ALG9: variants seen among roughly 807,000 people sequenced by gnomAD.
ALG9 encodes ALG9 alpha-1,2-mannosyltransferase, also known as alpha-1,2-mannosyltransferase ALG9.
In ALG9, 55 loss-of-function variants were observed where a neutral mutation model predicts 81.8. That is an observed-to-expected ratio of 0.67 (90% confidence interval 0.54 to 0.84). ALG9 has a LOEUF of 0.84. Among genes scored for constraint, ALG9 ranks in the 40% least tolerant of loss-of-function variants. The pLI, the probability that ALG9 is intolerant of heterozygous loss-of-function variation, is 0.00. For synonymous variants in ALG9, 278 were observed against 274.3 expected, an observed-to-expected ratio of 1.01 and a Z score of -0.13; for missense variants, 629 against 745.0, an observed-to-expected ratio of 0.84 and a Z score of 1.81.
intron 4 of ALG9, among the ~76,000 whole-genome samples, chr11:111,863,723 T>C (rs1961209262): frequency 6.6e-6 from 1 of 152,174 alleles, no homozygotes; most frequent in South Asian, 2.1e-4. Context: ...TAATATTCAA[T>C]CAACTAATAG....
intron 12 of ALG9, chr11:111,836,636 T>C (rs1955321919): frequency 3.0e-6 from 1 of 337,846 alleles, no homozygotes; most frequent in African/African-American, 2.1e-5. Flanking sequence ...TTATCAGGTG[T>C]AGAGAAAAAG....
intron 14 of ALG9, among the ~76,000 whole-genome samples, chr11:111,802,209 A>T (rs1338384795): frequency 6.6e-6 from 1 of 152,214 alleles, no homozygotes; most frequent in East Asian, 1.9e-4. Context: ...GGCTGTGTTG[A>T]ACTTTCTTAA....
chr11:111,787,771 A>G (rs935500211), intron 14 of ALG9, among the ~76,000 whole-genome samples: 8 of 152,206 alleles, frequency 5.3e-5, no homozygotes, highest in African/African-American at 1.7e-4. Context: ...AATAAATTAA[A>G]AAAATAAAAA....
At chr11:111,842,286 C>T (rs567847505) in intron 9 of ALG9, among the ~76,000 whole-genome samples, 38 of 152,166 alleles carry the variant, frequency 2.5e-4, no homozygotes, top group South Asian at 2.1e-4. Context: ...TAAAGGCTAA[C>T]GAGTAATCTT....
intron 4 of ALG9, among the ~76,000 whole-genome samples, chr11:111,861,951 A>G (rs563824026): frequency 1.3e-5 from 2 of 152,258 alleles, no homozygotes; most frequent in East Asian, 3.9e-4. Flanking sequence ...GTAATTGCCT[A>G]ACACTCCTTT....
chr11:111,861,075 G>C (rs1279633921), intron 4 of ALG9, among the ~76,000 whole-genome samples: 1 of 152,210 alleles, frequency 6.6e-6, no homozygotes, highest in Non-Finnish European at 1.5e-5. Context: ...GCAAGGAAAA[G>C]TGCTTAGGAG....
the ALG9 span, among the ~76,000 whole-genome samples, chr11:111,768,099 C>T: frequency 6.6e-6 from 1 of 152,154 alleles, no homozygotes; most frequent in African/African-American, 2.4e-5. Flanking sequence ...GACAATGATA[C>T]TTTCATGCAC....
Position 111,784,504 on chromosome 11 carries a change from G to A in ALG9, c.*1893C>T, listed in dbSNP as rs1946264994. The stretch of plus-strand genomic sequence containing the variant: ...AGGCTGAGGCGGGTGGATGACCTGA[G>A]GTCAGGAGTCCAAGACCAGCCTGGC... On this transcript the variant is annotated 3_prime_UTR_variant, in exon 15 of 15. Coordinates refer to ENST00000616540, the MANE Select transcript of ALG9 (RefSeq NM_024740.2). 6.6e-6 allele frequency: 1 copy of A among 152,214 alleles called. No homozygotes were observed. The highest frequency in any genetic ancestry group is 2.4e-5 in the African/African-American group (1 of 41,438). The allele number at this position is 152,214 out of a possible 1,614,324, so 9.4% of individuals were successfully genotyped here.
intron 13 of ALG9, among the ~76,000 whole-genome samples, chr11:111,822,074 C>T (rs1382716517): frequency 1.3e-5 from 2 of 152,120 alleles, no homozygotes; most frequent in African/African-American, 4.8e-5. Flanking sequence ...TTAGAAGTGG[C>T]TAATGCTCCA....
rs1472285044 is a variant in ALG9, at chr11:111,870,374, T to C, written c.132-4A>G. The stretch of plus-strand genomic sequence containing the variant: ...TCCTGCTTTGTTCCCAGATAACCTG[T>C]TCAAAAGCAAAAAAAAAAAAAAAAA... On this transcript the variant is annotated splice_region_variant and splice_polypyrimidine_tract_variant and intron_variant, in intron 1 of 14. Transcript: ENST00000616540. 9.2e-6 allele frequency: 13 copies of C among 1,407,332 alleles called. No individual in the cohort carries two copies. The highest frequency in any genetic ancestry group is 1.2e-5 in the Non-Finnish European group (13 of 1,081,726). 87.2% of individuals were successfully genotyped at this position (1,407,332 alleles called of 1,614,324 possible).
At chr11:111,776,728 TC>T in the ALG9 span, among the ~76,000 whole-genome samples, 1 of 151,402 alleles carries the variant, frequency 6.6e-6, no homozygotes, top group Admixed American at 6.6e-5. Flanking sequence ...AAGAATAGAA[TC>T]CCCTTCTATA....
At chr11:111,841,554 T>G (rs932837399) in intron 9 of ALG9, among the ~76,000 whole-genome samples, 1 of 152,194 alleles carries the variant, frequency 6.6e-6, no homozygotes, top group Admixed American at 6.5e-5. Flanking sequence ...AAATGAGAGA[T>G]AAGCCTGCAA....
intron 14 of ALG9, among the ~76,000 whole-genome samples, chr11:111,796,826 C>G (rs1948364244): frequency 6.6e-6 from 1 of 152,078 alleles, no homozygotes; most frequent in South Asian, 2.1e-4. Flanking sequence ...GATTGACATA[C>G]AGGGAAAAAA....
At chr11:111,814,622 A>G (rs1951212220) in intron 13 of ALG9, 1 of 152,096 alleles carries the variant, frequency 6.6e-6, no homozygotes, top group South Asian at 2.1e-4. Context: ...TTCTTCCCCA[A>G]CCTCCACCTT....
Position 111,844,575 on chromosome 11 carries a change from C to T in ALG9, c.1018+26G>A, listed in dbSNP as rs116344931. 2.2e-3 allele frequency: 3,519 copies of T among 1,613,736 alleles called. 73 individuals are homozygous for T. The African/African-American group carries it at 0.042, about 19-fold the overall frequency. On this transcript the variant is annotated intron_variant, in intron 9 of 14. Transcript: ENST00000616540. ...CATTACTTGCTCTTTCCTCCCAAAACACCTACCATCTCTTATGCCACTCAC... is the reference window on the plus strand; with the variant it reads ...CATTACTTGCTCTTTCCTCCCAAAATACCTACCATCTCTTATGCCACTCAC...
chr11:111,852,600 A>G (rs1555139582), intron 8 of ALG9, among the ~76,000 whole-genome samples: 1 of 152,228 alleles, frequency 6.6e-6, no homozygotes, highest in African/African-American at 2.4e-5. Flanking sequence ...GAAGTAAAGC[A>G]AATCTGGAAG....
intron 13 of ALG9, among the ~76,000 whole-genome samples, chr11:111,810,964 T>A (rs782138686): frequency 6.6e-6 from 1 of 152,086 alleles, no homozygotes; most frequent in Non-Finnish European, 1.5e-5. Context: ...GAGGATCTAG[T>A]CAGTAGGGTA....
intron 14 of ALG9, among the ~76,000 whole-genome samples, chr11:111,798,489 G>C (rs1254844761): frequency 6.6e-6 from 1 of 152,082 alleles, no homozygotes; most frequent in Non-Finnish European, 1.5e-5. Flanking sequence ...GTGATTTATT[G>C]CAACACTCTC....
chr11:111,848,182 T>C (rs535617871), intron 8 of ALG9, among the ~76,000 whole-genome samples: 1 of 152,288 alleles, frequency 6.6e-6, no homozygotes, highest in African/African-American at 2.4e-5. Context: ...TCAGAGTGTT[T>C]TGAGTGAAAA....
Sources: allele counts gnomAD v4.1 joint callset (sites outside exome capture counted in the v4.1 genomes callset), GRCh38; gene constraint gnomAD v4.1.1; transcripts MANE v1.5; gene names NCBI Gene and HGNC (gene_info 2026-07-23, HGNC 2026-07-21).